ADGRL3: variants seen among roughly 807,000 people sequenced by gnomAD.
ADGRL3 encodes the protein calcium-independent alpha-latrotoxin receptor 3.
Under a neutral mutation model 153.5 loss-of-function variants are expected in ADGRL3, and 62 were observed. The observed-to-expected ratio is 0.40, with a 90% CI of 0.33 to 0.50. The LOEUF (loss-of-function observed/expected upper bound fraction) is 0.50. ADGRL3 is among the 20% of genes least tolerant of loss of function. The pLI, the probability that ADGRL3 is intolerant of heterozygous loss-of-function variation, is 0.47. For missense variants in ADGRL3, 1,641 were observed against 1,859.4 expected, an observed-to-expected ratio of 0.88 and a Z score of 2.16; for synonymous variants, 710 against 672.5, an observed-to-expected ratio of 1.06 and a Z score of -0.86.
intron 6 of ADGRL3, among the ~76,000 whole-genome samples, chr4:61,698,649 G>A (rs1307571502): frequency 6.6e-6 from 1 of 152,082 alleles, no homozygotes; most frequent in African/African-American, 2.4e-5. Flanking sequence ...GTTTACAAAA[G>A]TGTTAGTAAT....
intron 8 of ADGRL3, among the ~76,000 whole-genome samples, chr4:61,767,296 G>A (rs998992412): frequency 1.3e-5 from 2 of 151,694 alleles, no homozygotes; most frequent in Non-Finnish European, 2.9e-5. Context: ...GGCAGGTGGG[G>A]ACAACTAAAA....
At chr4:61,253,080 C>T (rs552931463) in intron 1 of ADGRL3, among the ~76,000 whole-genome samples, 1 of 152,270 alleles carries the variant, frequency 6.6e-6, no homozygotes, top group South Asian at 2.1e-4. Context: ...AATCTGGCTG[C>T]TTTCTGAAAA....
intron 1 of ADGRL3, among the ~76,000 whole-genome samples, chr4:61,255,751 C>T (rs1475814161): frequency 2.0e-5 from 3 of 152,160 alleles, no homozygotes; most frequent in Admixed American, 6.5e-5. Flanking sequence ...TTCTTAACCA[C>T]TATCCTGTCT....
chr4:61,527,165 T>G (rs1291378441), intron 4 of ADGRL3, among the ~76,000 whole-genome samples: 2 of 152,056 alleles, frequency 1.3e-5, no homozygotes, highest in Non-Finnish European at 2.9e-5. Context: ...ATTTCTCAAT[T>G]TTATTGAAAA....
intron 17 of ADGRL3, among the ~76,000 whole-genome samples, chr4:61,966,924 G>A (rs574815181): frequency 6.6e-6 from 1 of 152,132 alleles, no homozygotes; most frequent in East Asian, 1.9e-4. Context: ...AAGCATTTGT[G>A]GACCTTCCCA....
At chr4:61,929,670 G>A (rs540933002) in intron 13 of ADGRL3, among the ~76,000 whole-genome samples, 13 of 152,232 alleles carry the variant, frequency 8.5e-5, no homozygotes, top group African/African-American at 1.9e-4. Context: ...AAAGCTTGCC[G>A]TCTGTCCAAT....
intron 22 of ADGRL3, among the ~76,000 whole-genome samples, chr4:62,030,202 G>T (rs1003677311): frequency 6.6e-6 from 1 of 151,538 alleles, no homozygotes; most frequent in Non-Finnish European, 1.5e-5. Context: ...TTAAGATGCA[G>T]TTCTCTCTAA....
chr4:61,949,595 T>G (rs1018025403), intron 17 of ADGRL3, among the ~76,000 whole-genome samples: 8 of 151,854 alleles, frequency 5.3e-5, no homozygotes, highest in African/African-American at 1.9e-4. Context: ...CTCGGGAGGC[T>G]GAGGCAGGAG....
At chr4:61,646,961 G>T (rs2094024351) in intron 5 of ADGRL3, among the ~76,000 whole-genome samples, 1 of 152,230 alleles carries the variant, frequency 6.6e-6, no homozygotes, top group African/African-American at 2.4e-5. Context: ...CGAGCCAGGT[G>T]CGGATATAAT....
chr4:61,686,538 A>G (rs990801909), intron 6 of ADGRL3, among the ~76,000 whole-genome samples: 2 of 152,098 alleles, frequency 1.3e-5, no homozygotes, highest in African/African-American at 2.4e-5. Flanking sequence ...GTGCACATTT[A>G]TGGGGTACAG....
chr4:61,743,972 T>G (rs113891759), intron 8 of ADGRL3, among the ~76,000 whole-genome samples: 13,162 of 152,114 alleles, frequency 0.087, 1,188 homozygotes, highest in African/African-American at 0.23. Flanking sequence ...AGAAAGGGGT[T>G]ACAGACAGCA....
intron 17 of ADGRL3, among the ~76,000 whole-genome samples, chr4:61,974,981 A>G (rs185101199): frequency 6.6e-6 from 1 of 152,314 alleles, no homozygotes; most frequent in Non-Finnish European, 1.5e-5. Flanking sequence ...AGAGATGATT[A>G]AAGAGAGGTC....
At chr4:61,377,395 C>G (rs1240309824) in intron 1 of ADGRL3, among the ~76,000 whole-genome samples, 1 of 152,022 alleles carries the variant, frequency 6.6e-6, no homozygotes, top group Non-Finnish European at 1.5e-5. Flanking sequence ...GAGGATCATT[C>G]TCTGGATTTT....
chr4:61,919,463 T>A (rs1370897249), intron 13 of ADGRL3, among the ~76,000 whole-genome samples: 1 of 152,210 alleles, frequency 6.6e-6, no homozygotes, highest in Non-Finnish European at 1.5e-5. Flanking sequence ...CTAAACCTAT[T>A]GTTAAAAGAC....
intron 5 of ADGRL3, among the ~76,000 whole-genome samples, chr4:61,621,404 C>G (rs1317560639): frequency 6.6e-6 from 1 of 152,110 alleles, no homozygotes. Flanking sequence ...AGCCAGCTGA[C>G]CCCAGTATAC....
intron 8 of ADGRL3, among the ~76,000 whole-genome samples, chr4:61,798,456 C>T (rs376236190): frequency 1.3e-5 from 2 of 152,026 alleles, no homozygotes; most frequent in Non-Finnish European, 2.9e-5. Flanking sequence ...GGACTGACTG[C>T]CATTAAATGC....
intron 1 of ADGRL3, among the ~76,000 whole-genome samples, chr4:61,379,366 C>T (rs1017954312): frequency 6.6e-5 from 10 of 152,000 alleles, no homozygotes; most frequent in African/African-American, 2.4e-4. Flanking sequence ...AAGCCATATA[C>T]TTCTTTTTAC....
At chr4:61,236,202 G>T (rs1222807415) in intron 1 of ADGRL3, among the ~76,000 whole-genome samples, 3 of 151,812 alleles carry the variant, frequency 2.0e-5, no homozygotes, top group Non-Finnish European at 4.4e-5. Flanking sequence ...TACAGACGGG[G>T]TTTCACCCTG....
intron 1 of ADGRL3, among the ~76,000 whole-genome samples, chr4:61,325,961 G>A (rs2095456006): frequency 6.6e-6 from 1 of 152,040 alleles, no homozygotes; most frequent in Non-Finnish European, 1.5e-5. Context: ...AAGAAATATG[G>A]CAACAGAGAA....
Sources: allele counts gnomAD v4.1 joint callset (sites outside exome capture counted in the v4.1 genomes callset), GRCh38; gene constraint gnomAD v4.1.1; transcripts MANE v1.5; gene names NCBI Gene and HGNC (gene_info 2026-07-23, HGNC 2026-07-21).